Variants in ACP3 observed in about 807,000 individuals in gnomAD.
ACP3 encodes the protein acid phosphatase 3.
A neutral mutation model predicts 45.6 loss-of-function variants in ACP3; 38 were observed. That is an observed-to-expected ratio of 0.83 (90% CI 0.64 to 1.09). The LOEUF (loss-of-function observed/expected upper bound fraction) is 1.09, where lower values mean the gene tolerates loss of function less well. Among genes scored for constraint, ACP3 ranks in the 50% least tolerant of loss-of-function variants. ACP3 has a pLI of 0.00. For missense variants in ACP3, 466 were observed against 463.2 expected (o/e 1.01, Z -0.05); for synonymous variants, 162 against 164.7 (o/e 0.98, Z 0.13).
intron 4 of ACP3, chr3:132,332,590 T>C (rs1937420469): frequency 2.2e-6 from 1 of 452,156 alleles, no homozygotes; most frequent in Non-Finnish European, 4.0e-6. Context: ...CTCTTGGCAA[T>C]TTGCCCCCTC....
intron 2 of ACP3, among the ~76,000 whole-genome samples, chr3:132,330,169 C>T (rs1937374940): frequency 6.6e-6 from 1 of 152,064 alleles, no homozygotes; most frequent in Non-Finnish European, 1.5e-5. Flanking sequence ...ATCCACCCGC[C>T]TTGGCCTCCC....
chr3:132,366,459 C>T (rs993681817), intron 10 of ACP3, among the ~76,000 whole-genome samples: 1 of 152,032 alleles, frequency 6.6e-6, no homozygotes, highest in African/African-American at 2.4e-5. Context: ...TTCAGTAAGA[C>T]CAATAGGATT....
chr3:132,332,930 G>T (rs1937427444), intron 4 of ACP3, among the ~76,000 whole-genome samples: 1 of 152,144 alleles, frequency 6.6e-6, no homozygotes, highest in Non-Finnish European at 1.5e-5. Flanking sequence ...AAACAAATTG[G>T]TCCAAAGCAA....
intron 1 of ACP3, 57 bp from the exon 2 acceptor site, chr3:132,328,210 C>G (rs1937333592): frequency 7.2e-7 from 1 of 1,395,960 alleles, no homozygotes; most frequent in Non-Finnish European, 1.0e-6. Context: ...TTATAATGAG[C>G]AGAAGCAAAA....
chr3:132,343,531 T>C (rs1281116585), intron 6 of ACP3, among the ~76,000 whole-genome samples: 1 of 152,150 alleles, frequency 6.6e-6, no homozygotes, highest in East Asian at 1.9e-4. Flanking sequence ...CAGTCATAAT[T>C]TTTTTTTCTT....
At chr3:132,338,007 A>C (rs1245233905) in intron 5 of ACP3, among the ~76,000 whole-genome samples, 1 of 152,182 alleles carries the variant, frequency 6.6e-6, no homozygotes, top group South Asian at 2.1e-4. Context: ...TAATCTTTTG[A>C]ATATTATACA....
chr3:132,321,399 CCTTA>C (rs1937204445), intron 1 of ACP3, among the ~76,000 whole-genome samples: 1 of 152,094 alleles, frequency 6.6e-6, no homozygotes, highest in African/African-American at 2.4e-5. Flanking sequence ...TCACAAACAA[CCTTA>C]CATACAATCT....
At chr3:132,350,095 C>T in intron 8 of ACP3, 93 bp downstream of exon 8, 2 of 849,040 alleles carry the variant, frequency 2.4e-6, no homozygotes, top group Non-Finnish European at 3.9e-6. Context: ...TTCATTTCCC[C>T]ATCTCCTTGT....
chr3:132,358,660 T>C lies in ACP3; in HGVS notation c.*1782T>C. 1 of 1,034,370 alleles carries C rather than the reference T, an allele frequency of 9.7e-7. No homozygotes were observed. The highest frequency in any genetic ancestry group is 1.2e-6 in the Non-Finnish European group (1 of 854,988). 64.1% of individuals were successfully genotyped at this position (1,034,370 alleles called of 1,614,324 possible). A position where few individuals can be genotyped will look rare whatever the true frequency, so the allele number is the denominator to read the frequency against. On this transcript the variant is annotated 3_prime_UTR_variant, in exon 10 of 10. Coordinates refer to ENST00000336375, the MANE Select transcript of ACP3 (RefSeq NM_001099.5). ...TTCTTTGTGTTATTTCCCTCCCAAGTAAATGTTTGTCCTTGGGTCCATTTT... is the reference window on the plus strand; with the variant it reads ...TTCTTTGTGTTATTTCCCTCCCAAGCAAATGTTTGTCCTTGGGTCCATTTT...
chr3:132,331,755 G>A, intron 3 of ACP3, 22 bp downstream of exon 3: 2 of 1,556,890 alleles, frequency 1.3e-6, no homozygotes, highest in East Asian at 2.3e-5. Flanking sequence ...AGCCAAGAGT[G>A]GGAACTTTGA....
chr3:132,358,560 G>A lies in ACP3; in HGVS notation c.*1682G>A. On this transcript the variant is annotated 3_prime_UTR_variant, in exon 10 of 10. Coordinates refer to ENST00000336375, the MANE Select transcript of ACP3 (RefSeq NM_001099.5). ...TTTCTAGAGATGGTTTCTACTGGCT[G>A]CCAGAATCTAGAGCAAAGCCATCCC... The A allele has an allele frequency of 8.7e-7, 1 of 1,153,084 alleles. No homozygotes were observed. Among genetic ancestry groups the A allele is most frequent in the Non-Finnish European group, 1.1e-6 (1 of 907,710 alleles). The allele number at this position is 1,153,084 out of a possible 1,614,324, so 71.4% of individuals were successfully genotyped here. A position where few individuals can be genotyped will look rare whatever the true frequency, so the allele number is the denominator to read the frequency against.
At chr3:132,319,172 T>G (rs1937160536) in intron 1 of ACP3, among the ~76,000 whole-genome samples, 1 of 152,254 alleles carries the variant, frequency 6.6e-6, no homozygotes, top group Non-Finnish European at 1.5e-5. Flanking sequence ...ACATCTTTCT[T>G]GGCCCTTATA....
At chr3:132,346,130 G>C (rs1937606122) in intron 7 of ACP3, among the ~76,000 whole-genome samples, 1 of 152,300 alleles carries the variant, frequency 6.6e-6, no homozygotes, top group East Asian at 1.9e-4. Flanking sequence ...AGAATGCATA[G>C]AGGCAAAGCA....
At chr3:132,360,331 C>T (rs75701805), downstream of ACP3, among the ~76,000 whole-genome samples, 1 of 93,920 alleles carries the variant, frequency 1.1e-5, no homozygotes, top group Non-Finnish European at 2.5e-5. Context: ...AAAAAAAAAA[C>T]AATACAGGAC....
downstream of ACP3, among the ~76,000 whole-genome samples, chr3:132,359,473 A>T (rs976212694): frequency 1.3e-5 from 2 of 152,178 alleles, no homozygotes; most frequent in South Asian, 2.1e-4. Flanking sequence ...GCGCCACTGC[A>T]CTCCAGCCTG....
chr3:132,332,265 C>T lies in ACP3; in HGVS notation c.377C>T (p.Pro126Leu), dbSNP rs1210266602. 1.2e-6 allele frequency: 2 copies of T among 1,614,190 alleles called. No homozygotes were observed. The highest frequency in any genetic ancestry group is 2.2e-5 in the South Asian group (2 of 91,090). Residue 126 changes from proline to leucine, a missense_variant, in exon 4 of 10, where the codon CCA becomes CTA. Transcript: ENST00000336375. ...ACAAACCTGGCAGCCCTGTTTCCCC[C>T]AGAAGGTGTCAGCATCTGGAATCCT... ...AMTNLAALFP[P>L]EGVSIWNPIL...
At chr3:132,333,951 A>G (rs1003521358) in intron 4 of ACP3, among the ~76,000 whole-genome samples, 2 of 152,102 alleles carry the variant, frequency 1.3e-5, no homozygotes, top group African/African-American at 4.8e-5. Flanking sequence ...CACGCCTGTA[A>G]TCCCAGCTAC....
At chr3:132,322,295 G>A (rs1194410957) in intron 1 of ACP3, among the ~76,000 whole-genome samples, 1 of 152,122 alleles carries the variant, frequency 6.6e-6, no homozygotes. Flanking sequence ...TTGCTTCACG[G>A]GGAGTACAGA....
At chr3:132,326,902 T>C (rs1229391334) in intron 1 of ACP3, among the ~76,000 whole-genome samples, 4 of 152,222 alleles carry the variant, frequency 2.6e-5, no homozygotes, top group South Asian at 2.1e-4. Context: ...CTTCATCTTG[T>C]AGTTCTTCAG....
Sources: allele counts gnomAD v4.1 joint callset (sites outside exome capture counted in the v4.1 genomes callset), GRCh38; gene constraint gnomAD v4.1.1; transcripts MANE v1.5; gene names NCBI Gene and HGNC (gene_info 2026-07-23, HGNC 2026-07-21).